HMBOX1: variants seen among roughly 807,000 people sequenced by gnomAD.
HMBOX1 encodes homeobox-containing protein 1.
HMBOX1 carries 14 observed loss-of-function variants against 54.5 expected under a neutral mutation model. The ratio of observed to expected loss-of-function variants is 0.26; its 90% confidence interval spans 0.17 to 0.40. HMBOX1 has a LOEUF of 0.40. Ranked by LOEUF, HMBOX1 falls within the 10% of genes least tolerant of loss-of-function variation. The probability of loss-of-function intolerance (pLI) is 1.00; values close to 1 mark genes in which losing one functional copy is unlikely to be tolerated. For missense variants in HMBOX1, 332 were observed against 514.4 expected, an observed-to-expected ratio of 0.65 and a Z score of 3.43; for synonymous variants, 160 against 181.0, an observed-to-expected ratio of 0.88 and a Z score of 0.93.
chr8:28,984,716 T>G (rs747674855), intron 4 of HMBOX1, among the ~76,000 whole-genome samples: 1 of 152,230 alleles, frequency 6.6e-6, no homozygotes, highest in Non-Finnish European at 1.5e-5. Flanking sequence ...AATAAGCACA[T>G]GTATTCTGTA....
At chr8:28,978,786 C>CAAAA (rs36075812) in intron 3 of HMBOX1, among the ~76,000 whole-genome samples, 18 of 95,598 alleles carry the variant, frequency 1.9e-4, no homozygotes, top group African/African-American at 4.0e-4. Flanking sequence ...GACTCCGTCT[C>CAAAA]AAAAAAAAAA....
rs556587400 is a variant in HMBOX1 at position 28,998,056 on chromosome 8, G to A, written c.587-11016G>A. On this transcript the variant is annotated intron_variant, in intron 4 of 9. Transcript: ENST00000287701. ...GCATTCTGGCTTTTCTTTGTGGGAAGATGTTTGACTATGAATTCAATATCT... is the reference window on the plus strand; with the variant it reads ...GCATTCTGGCTTTTCTTTGTGGGAAAATGTTTGACTATGAATTCAATATCT... 3.9e-5 allele frequency among the ~76,000 whole-genome samples: 6 copies of A among 152,328 alleles called. No homozygotes were observed. The East Asian group carries it at 1.2e-3, about 29-fold the overall frequency.
At chr8:28,937,143 G>A (rs1335929301) in intron 1 of HMBOX1, among the ~76,000 whole-genome samples, 1 of 152,192 alleles carries the variant, frequency 6.6e-6, no homozygotes, top group Non-Finnish European at 1.5e-5. Context: ...GATGGAAAAA[G>A]AGACTTATAA....
intron 1 of HMBOX1, among the ~76,000 whole-genome samples, chr8:28,905,673 T>C (rs920309691): frequency 6.6e-6 from 1 of 152,224 alleles, no homozygotes; most frequent in Non-Finnish European, 1.5e-5. Flanking sequence ...CTTAATCATA[T>C]TTTTGTGTAT....
chr8:28,935,308 G>A (rs1239688867), intron 1 of HMBOX1, among the ~76,000 whole-genome samples: 3 of 152,044 alleles, frequency 2.0e-5, no homozygotes, highest in Non-Finnish European at 4.4e-5. Flanking sequence ...CCTATAATAA[G>A]CCAATTTAAA....
intron 1 of HMBOX1, among the ~76,000 whole-genome samples, chr8:28,918,864 T>A (rs1415129275): frequency 6.6e-6 from 1 of 152,210 alleles, no homozygotes; most frequent in African/African-American, 2.4e-5. Context: ...CAAAGTTGTT[T>A]ACACACCTGT....
intron 6 of HMBOX1, among the ~76,000 whole-genome samples, chr8:29,041,626 T>C (rs1804836037): frequency 6.6e-6 from 1 of 152,036 alleles, no homozygotes; most frequent in Admixed American, 6.6e-5. Context: ...ATACCTTTGA[T>C]TGGCCAAGAG....
chr8:28,903,397 CATT>C (rs1380351555), intron 1 of HMBOX1, among the ~76,000 whole-genome samples: 2 of 152,214 alleles, frequency 1.3e-5, no homozygotes, highest in African/African-American at 2.4e-5. Flanking sequence ...CTGTGGTAAA[CATT>C]GTTGTGAATG....
intron 1 of HMBOX1, among the ~76,000 whole-genome samples, chr8:28,959,503 C>G (rs1168132930): frequency 6.6e-6 from 1 of 152,174 alleles, no homozygotes; most frequent in African/African-American, 2.4e-5. Context: ...ACTGAAACCA[C>G]AGAAAGCCAA....
intron 1 of HMBOX1, among the ~76,000 whole-genome samples, chr8:28,940,804 G>C (rs1821265454): frequency 6.6e-6 from 1 of 152,168 alleles, no homozygotes; most frequent in Admixed American, 6.5e-5. Context: ...AGCATCAAAT[G>C]AGAAAAGTGA....
intron 6 of HMBOX1, among the ~76,000 whole-genome samples, chr8:29,021,635 C>G (rs1022655178): frequency 6.6e-6 from 1 of 151,726 alleles, no homozygotes. Flanking sequence ...GCGGGCGGAT[C>G]ACGAGGCCAG....
At chr8:29,028,263 C>T (rs989074037) in intron 6 of HMBOX1, among the ~76,000 whole-genome samples, 1 of 152,104 alleles carries the variant, frequency 6.6e-6, no homozygotes, top group Non-Finnish European at 1.5e-5. Context: ...AAAATTATAT[C>T]ATAGTTTTAA....
chr8:29,037,511 A>G (rs1190800724), intron 6 of HMBOX1, among the ~76,000 whole-genome samples: 10 of 152,208 alleles, frequency 6.6e-5, no homozygotes, highest in African/African-American at 2.4e-4. Flanking sequence ...TCTTAATACT[A>G]CCATCCAAAG....
At chr8:28,928,269 T>A (rs994299354) in intron 1 of HMBOX1, among the ~76,000 whole-genome samples, 1 of 152,166 alleles carries the variant, frequency 6.6e-6, no homozygotes, top group Non-Finnish European at 1.5e-5. Flanking sequence ...TGAGCTAATA[T>A]CTGAAGGATG....
chr8:29,009,294 T>C, intron 5 of HMBOX1, 112 bp downstream of exon 5: 2 of 1,072,206 alleles, frequency 1.9e-6, no homozygotes, highest in Non-Finnish European at 2.7e-6. Flanking sequence ...TACTTTACTA[T>C]GGTTGCTTTA....
intron 1 of HMBOX1, among the ~76,000 whole-genome samples, chr8:28,954,131 T>A (rs1823988804): frequency 6.6e-6 from 1 of 152,142 alleles, no homozygotes; most frequent in South Asian, 2.1e-4. Context: ...AGGAAGGAGG[T>A]TCATATTCTC....
At position 28,917,252 on chromosome 8, in the gene HMBOX1, G is replaced by A. The variant is rs893104763; in HGVS notation, c.-58+26574G>A. ...ATTTAGATCATCTTTGATTTTTTCT[G>A]TTGTTTTCAACATTCAGATTCTTCA... is the stretch of plus-strand genomic sequence containing the variant. On this transcript the variant is annotated intron_variant, in intron 1 of 9. Coordinates refer to ENST00000287701, the MANE Select transcript of HMBOX1 (RefSeq NM_001135726.3). Among the ~76,000 whole-genome samples the A allele has an allele frequency of 2.0e-5, 3 of 151,878 alleles. No homozygotes were observed. In the East Asian group the frequency reaches 5.8e-4, roughly 29 times the overall value.
intron 1 of HMBOX1, among the ~76,000 whole-genome samples, chr8:28,940,432 C>A (rs1336413548): frequency 6.6e-6 from 1 of 152,198 alleles, no homozygotes; most frequent in Non-Finnish European, 1.5e-5. Context: ...GCACTCAATA[C>A]CCCATTAGAA....
At chr8:28,974,118 A>G (rs1827992437) in intron 3 of HMBOX1, among the ~76,000 whole-genome samples, 1 of 152,048 alleles carries the variant, frequency 6.6e-6, no homozygotes, top group East Asian at 1.9e-4. Context: ...CCAGCTCATA[A>G]TGGAGATTTT....
Sources: allele counts gnomAD v4.1 joint callset (sites outside exome capture counted in the v4.1 genomes callset), GRCh38; gene constraint gnomAD v4.1.1; transcripts MANE v1.5; gene names NCBI Gene and HGNC (gene_info 2026-07-23, HGNC 2026-07-21).